TLR1: variants seen among roughly 807,000 people sequenced by gnomAD.
The protein encoded by TLR1 is toll like receptor 1.
Under a neutral mutation model 20.2 loss-of-function variants are expected in TLR1, and 19 were observed. The ratio of observed to expected loss-of-function variants is 0.94; its 90% CI spans 0.66 to 1.38. The LOEUF is 1.38. Among genes scored for constraint, TLR1 ranks in the 40% most tolerant of loss-of-function variants. TLR1 has a pLI of 0.00. For synonymous variants in TLR1, 320 were observed against 334.5 expected (o/e 0.96, Z 0.47); for missense variants, 921 against 910.0 (o/e 1.01, Z -0.16).
At chr4:38,801,097 A>C (rs569719335) in intron 2 of TLR1, 149 bp from the exon 3 acceptor site, 1 of 152,822 alleles carries the variant, frequency 6.5e-6, no homozygotes, top group East Asian at 1.9e-4. Context: ...CACAAGGAGC[A>C]ATATTTCAAT....
chr4:38,798,702 ATAGGTCTT>A lies in TLR1; in HGVS notation c.122_129del (p.Lys41IlefsTer16). ...ATATTTAAGATTGTTGTTTTCTGGGATAGGTCTTTAGGAACGTGGATGAGACCGTTTTT... is the reference window on the plus strand; with the variant it reads ...ATATTTAAGATTGTTGTTTTCTGGGATAGGAACGTGGATGAGACCGTTTTT... On this transcript the variant is annotated frameshift_variant, in exon 4 of 4. Coordinates refer to ENST00000308979, the MANE Select transcript of TLR1 (RefSeq NM_003263.4). LOFTEE classifies it low-confidence loss of function (END_TRUNC). 6.2e-7 allele frequency: 1 copy of A among 1,613,958 alleles called. No homozygotes were observed. Among genetic ancestry groups the A allele is most frequent in the Non-Finnish European group, 8.5e-7 (1 of 1,179,970 alleles).
At position 38,798,858 on chromosome 4, in the gene TLR1, T is replaced by C. The variant is rs750739378; in HGVS notation, c.-27A>G. 6.6e-7 allele frequency: 1 copy of C among 1,507,768 alleles called. No homozygotes were observed. The highest frequency in any genetic ancestry group is 2.1e-5 in the Admixed American group (1 of 47,578). 93.4% of individuals were successfully genotyped at this position (1,507,768 alleles called of 1,614,324 possible). ...TTGGAACACTAGACATTCCTAAAGGTAGAAGCTGTTCTTCAGATCATCTTG... is the reference window on the plus strand; with the variant it reads ...TTGGAACACTAGACATTCCTAAAGGCAGAAGCTGTTCTTCAGATCATCTTG... On this transcript the variant is annotated 5_prime_UTR_variant, in exon 4 of 4. Transcript: ENST00000308979.
downstream of TLR1, among the ~76,000 whole-genome samples, chr4:38,792,865 A>ATATATATATATC (rs1579193737): frequency 6.8e-6 from 1 of 147,936 alleles, no homozygotes; most frequent in East Asian, 2.1e-4. Context: ...ATATATATAT[A>ATATATATATATC]TATATATATA....
Position 38,797,879 on chromosome 4 carries a change from T to C in TLR1, c.953A>G (p.Tyr318Cys), listed in dbSNP as rs755742703. Residue 318 changes from tyrosine (Y) to cysteine (C), a missense_variant, in exon 4 of 4, where the codon TAT (tyrosine) becomes TGT (cysteine). Physicochemically the swap from Tyr to Cys is radical, Grantham distance 194. Transcript: ENST00000308979. ...CATATTCGAAAAGATTTCATAGATATAACTTTGCGGAAAACCGAACACATC... is the reference window on the plus strand; with the variant it reads ...CATATTCGAAAAGATTTCATAGATACAACTTTGCGGAAAACCGAACACATC... The part of the protein sequence containing the change: ...VSDVFGFPQS[Y>C]IYEIFSNMNI... 4 of 1,614,080 alleles carry C rather than the reference T, an allele frequency of 2.5e-6. No individual in the cohort carries two copies. Among genetic ancestry groups the C allele is most frequent in the East Asian group, 4.5e-5 (2 of 44,880 alleles).
At chr4:38,805,179 C>T (rs1191148738), upstream of TLR1, 1 of 152,172 alleles carries the variant, frequency 6.6e-6, no homozygotes, top group African/African-American at 2.4e-5. Flanking sequence ...TTCCTCTTGC[C>T]TTTTCATCCA....
At chr4:38,795,244 C>G (rs1262759874), downstream of TLR1, among the ~76,000 whole-genome samples, 2 of 152,172 alleles carry the variant, frequency 1.3e-5, no homozygotes, top group East Asian at 3.8e-4. Flanking sequence ...CTACAAGCAT[C>G]CCACGCAGTG....
chr4:38,794,978 C>T (rs1184099525), downstream of TLR1, among the ~76,000 whole-genome samples: 2 of 152,106 alleles, frequency 1.3e-5, no homozygotes, highest in Non-Finnish European at 2.9e-5. Flanking sequence ...GATCTCAGGA[C>T]TCAAGAGTGA....
chr4:38,799,004 G>C lies in TLR1; in HGVS notation c.-67-106C>G. On this transcript the variant is annotated intron_variant, in intron 3 of 3. Coordinates refer to ENST00000308979, the MANE Select transcript of TLR1 (RefSeq NM_003263.4). The stretch of plus-strand genomic sequence containing the variant: ...CTTTTTTTTGTTACAGACTTATAAA[G>C]TGGAGGCTACATTCTTTTGGGTTAC... 3 of 551,124 alleles carry C rather than the reference G, an allele frequency of 5.4e-6. No individual in the cohort carries two copies. In the South Asian group the frequency reaches 8.5e-5, roughly 16 times the overall value. 34.1% of individuals were successfully genotyped at this position (551,124 alleles called of 1,614,324 possible).
At chr4:38,800,392 T>A (rs1434802832) in intron 3 of TLR1, 1 of 152,180 alleles carries the variant, frequency 6.6e-6, no homozygotes, top group Non-Finnish European at 1.5e-5. Flanking sequence ...TGTTTCCTCC[T>A]CTCTCTTATT....
At chr4:38,787,716 A>C (rs1026039990), downstream of TLR1, among the ~76,000 whole-genome samples, 1 of 152,168 alleles carries the variant, frequency 6.6e-6, no homozygotes, top group Admixed American at 6.5e-5. Flanking sequence ...TGTGTTTTAC[A>C]CTTACAGCAC....
Position 38,797,978 on chromosome 4 carries a change from C to A in TLR1, c.854G>T (p.Gly285Val). Residue 285 changes from glycine (G) to valine (V), a missense_variant, in exon 4 of 4, where the codon GGT (glycine) becomes GTT (valine). By Grantham distance (109) the Gly-to-Val change is moderately radical. Coordinates refer to ENST00000308979, the MANE Select transcript of TLR1 (RefSeq NM_003263.4). ...ATCAAAATCTCTGAAGTCCAGCTGA[C>A]CCTGTAGCTTCACGTTTGAAATTGA... ...YFSISNVKLQGQLDFRDFDYS... is the reference protein window; with the variant it reads ...YFSISNVKLQVQLDFRDFDYS... The A allele has an allele frequency of 6.2e-7, 1 of 1,614,164 alleles. No individual in the cohort carries two copies. Among genetic ancestry groups the A allele is most frequent in the South Asian group, 1.1e-5 (1 of 91,082 alleles).
chr4:38,797,170 A>G lies in TLR1; in HGVS notation c.1662T>C (p.Tyr554=). 1 of 1,614,238 alleles carries G rather than the reference A, an allele frequency of 6.2e-7. No individual in the cohort carries two copies. Among genetic ancestry groups the G allele is most frequent in the South Asian group, 1.1e-5 (1 of 91,092 alleles). ...SEVLEGWPDS[Y]KCDYPESYRG... ...TATAACTTTCCGGGTAGTCACACTT[A>G]TAAGAATCAGGCCAGCCCTCTAACA... The change falls in exon 4 of 4, where the codon TAT becomes TAC. Residue 554 remains tyrosine (Y), a synonymous_variant. Coordinates refer to ENST00000308979, the MANE Select transcript of TLR1 (RefSeq NM_003263.4).
Position 38,797,474 on chromosome 4 carries a change from T to A in TLR1, c.1358A>T (p.His453Leu). Residue 453 changes from histidine to leucine, a missense_variant, in exon 4 of 4, where the codon CAC becomes CTC. By Grantham distance (99) the His-to-Leu change is moderately conservative (BLOSUM62 -3). Coordinates refer to ENST00000308979, the MANE Select transcript of TLR1 (RefSeq NM_003263.4). ...LPPRIKVLDL[H>L]SNKIKSIPKQ... The stretch of plus-strand genomic sequence containing the variant: ...AGGAATGCTCTTTATTTTATTGCTG[T>A]GAAGATCAAGTACCTTGATCCTGGG... 6.2e-7 allele frequency: 1 copy of A among 1,614,226 alleles called. No individual in the cohort carries two copies.
At position 38,798,581 on chromosome 4, in the gene TLR1, A is replaced by C. The variant is rs1726381775; in HGVS notation, c.251T>G (p.Leu84Arg). The C allele has an allele frequency of 6.2e-7, 1 of 1,614,050 alleles. No homozygotes were observed. Among genetic ancestry groups the C allele is most frequent in the Non-Finnish European group, 8.5e-7 (1 of 1,180,026 alleles). Residue 84 changes from leucine (L) to arginine (R), a missense_variant, in exon 4 of 4, where the codon CTT becomes CGT. Transcript: ENST00000308979. The stretch of plus-strand genomic sequence containing the variant: ...GTTGAATTTGAAAACACTGATATCA[A>C]GATACTGGATTCTATTATGAGAAAT... ...LIISHNRIQY[L>R]DISVFKFNQE...
downstream of TLR1, among the ~76,000 whole-genome samples, chr4:38,794,882 T>C (rs1429839830): frequency 1.3e-5 from 2 of 152,190 alleles, no homozygotes; most frequent in African/African-American, 2.4e-5. Flanking sequence ...TGGTCATTTG[T>C]AGGCTTTTTG....
Position 38,797,860 on chromosome 4 carries a change from C to T in TLR1, c.972G>A (p.Ser324=), listed in dbSNP as rs140075350. Residue 324 remains serine, a synonymous_variant, in exon 4 of 4, where the codon TCG becomes TCA. Transcript: ENST00000308979. ...FPQSYIYEIF[S]NMNIKNFTVS... ...CTGTGAAATTTTTGATGTTCATATT[C>T]GAAAAGATTTCATAGATATAACTTT... is the stretch of plus-strand genomic sequence containing the variant. The T allele has an allele frequency of 4.3e-5, 70 of 1,613,822 alleles. No homozygotes were observed. The highest frequency in any genetic ancestry group is 5.6e-5 in the Non-Finnish European group (66 of 1,179,866).
rs1474265906 is a variant in TLR1, at chr4:38,804,739, G to T, written c.-237+15C>A. ...AATTATTTTCTTTTACAAAAGAAAA[G>T]AATGTGTTGCTTACCAAGACAACCT... On this transcript the variant is annotated intron_variant, in intron 1 of 3. Transcript: ENST00000308979. The T allele has an allele frequency of 3.3e-5, 5 of 152,164 alleles. No homozygotes were observed. The highest frequency in any genetic ancestry group is 6.5e-5 in the Admixed American group (1 of 15,280). 9.4% of individuals were successfully genotyped at this position (152,164 alleles called of 1,614,324 possible).
intron 1 of TLR1, 147 bp downstream of exon 1, chr4:38,804,607 A>G (rs894635097): frequency 3.3e-5 from 5 of 152,230 alleles, no homozygotes; most frequent in African/African-American, 1.2e-4. Context: ...AAATGCCAGT[A>G]CAAACTACAC....
chr4:38,794,993 A>G (rs1169397027), downstream of TLR1, among the ~76,000 whole-genome samples: 2 of 152,210 alleles, frequency 1.3e-5, no homozygotes, highest in African/African-American at 2.4e-5. Flanking sequence ...GAGTGACCCG[A>G]ATGAGAAGAG....
Sources: gnomAD v4.1 joint callset for allele counts (sites outside exome capture counted in the v4.1 genomes callset) on GRCh38, gnomAD v4.1.1 for gene constraint, MANE v1.5 for transcripts, NCBI Gene and HGNC (gene_info 2026-07-23, HGNC 2026-07-21) for gene names.